Variants in LRFN5 observed in about 807,000 individuals in gnomAD.
The protein encoded by LRFN5 is leucine-rich repeat and fibronectin type-III domain-containing protein 5.
Under a neutral mutation model 45.6 loss-of-function variants are expected in LRFN5, and 24 were observed. That is an observed-to-expected ratio of 0.53 (90% confidence interval 0.38 to 0.74). The LOEUF (loss-of-function observed/expected upper bound fraction) is 0.74. Among genes scored for constraint, LRFN5 ranks in the 30% least tolerant of loss-of-function variants. The pLI is 0.00. For synonymous variants in LRFN5, 340 were observed against 313.8 expected (o/e 1.08, Z -0.88); for missense variants, 776 against 861.5 (o/e 0.90, Z 1.24).
chr14:41,681,816 A>AT (rs1566618887), intron 1 of LRFN5, among the ~76,000 whole-genome samples: 17 of 93,918 alleles, frequency 1.8e-4, no homozygotes, highest in African/African-American at 1.1e-3. Context: ...TTATTTATTT[A>AT]TTTATTTATT....
chr14:41,826,799 G>A (rs1888310511), intron 2 of LRFN5, among the ~76,000 whole-genome samples: 1 of 151,238 alleles, frequency 6.6e-6, no homozygotes, highest in South Asian at 2.1e-4. Context: ...TCTATAATAT[G>A]GGAAAATAAT....
At chr14:41,786,717 T>A (rs908849948) in intron 2 of LRFN5, among the ~76,000 whole-genome samples, 5 of 152,156 alleles carry the variant, frequency 3.3e-5, no homozygotes, top group African/African-American at 1.2e-4. Flanking sequence ...TACGCTTTCA[T>A]TTTTCTAGGA....
intron 1 of LRFN5, among the ~76,000 whole-genome samples, chr14:41,702,165 A>G (rs1882865408): frequency 6.6e-6 from 1 of 152,226 alleles, no homozygotes; most frequent in Non-Finnish European, 1.5e-5. Flanking sequence ...TGCTATTAGC[A>G]TGACTCCATC....
chr14:41,893,063 G>T, intron 4 of LRFN5: 1 of 981,246 alleles, frequency 1.0e-6, no homozygotes. Flanking sequence ...TAAGCAGATA[G>T]TGGATTTTTT....
chr14:41,759,132 A>G (rs1012852123), intron 1 of LRFN5, among the ~76,000 whole-genome samples: 28 of 152,088 alleles, frequency 1.8e-4, no homozygotes, highest in Admixed American at 7.9e-4. Flanking sequence ...CTCTCACATC[A>G]AAACTCTTAG....
intron 2 of LRFN5, among the ~76,000 whole-genome samples, chr14:41,802,529 C>G (rs942132243): frequency 1.3e-5 from 2 of 152,010 alleles, no homozygotes; most frequent in Non-Finnish European, 2.9e-5. Context: ...AAGGTGGAGT[C>G]CTAGTTGAGA....
Position 41,607,323 on chromosome 14 carries a change from G to A in LRFN5, c.-1436G>A, listed in dbSNP as rs1468177625. Among the ~76,000 whole-genome samples, 1 of 152,066 alleles carries A rather than the reference G, an allele frequency of 6.6e-6. No homozygotes were observed. The highest frequency in any genetic ancestry group is 1.9e-4 in the East Asian group (1 of 5,180). On this transcript the variant is annotated 5_prime_UTR_variant, in exon 1 of 6. Coordinates refer to ENST00000298119, the MANE Select transcript of LRFN5 (RefSeq NM_152447.5). ...ATATCAGAAAAAAAAAGCGCAACTG[G>A]ACGGGGGTGGGGCAGACCAACGAAA...
intron 1 of LRFN5, among the ~76,000 whole-genome samples, chr14:41,693,238 A>G (rs2138709285): frequency 6.6e-6 from 1 of 152,264 alleles, no homozygotes; most frequent in Admixed American, 6.5e-5. Flanking sequence ...GCATTTCAAT[A>G]TAACTTATGA....
chr14:41,751,797 G>A (rs552146116), intron 1 of LRFN5, among the ~76,000 whole-genome samples: 1 of 152,180 alleles, frequency 6.6e-6, no homozygotes, highest in African/African-American at 2.4e-5. Context: ...AAGTTTTACG[G>A]TACATATACA....
At chr14:41,774,925 G>A (rs1411443515) in intron 2 of LRFN5, among the ~76,000 whole-genome samples, 1 of 151,942 alleles carries the variant, frequency 6.6e-6, no homozygotes, top group African/African-American at 2.4e-5. Context: ...TTGCAGGGGG[G>A]TAGCTTGATC....
intron 2 of LRFN5, among the ~76,000 whole-genome samples, chr14:41,846,240 C>T (rs1413588044): frequency 6.6e-6 from 1 of 151,870 alleles, no homozygotes; most frequent in Non-Finnish European, 1.5e-5. Flanking sequence ...CACGCACACA[C>T]ACACTTTCCC....
chr14:41,856,769 C>T (rs1337334831), intron 2 of LRFN5, among the ~76,000 whole-genome samples: 8 of 139,060 alleles, frequency 5.8e-5, no homozygotes, highest in Admixed American at 1.5e-4. Context: ...CTCCGCCTTC[C>T]GGGTTCACGC....
At chr14:41,686,456 A>C (rs530440750) in intron 1 of LRFN5, among the ~76,000 whole-genome samples, 76 of 151,828 alleles carry the variant, frequency 5.0e-4, no homozygotes, top group Non-Finnish European at 9.0e-4. Flanking sequence ...AATACCCTTT[A>C]TTTCTTTCTC....
rs755379133 is a variant in LRFN5, at chr14:41,891,590, G to A, written c.1726G>A (p.Ala576Thr). 4.3e-6 allele frequency: 7 copies of A among 1,614,020 alleles called. No individual in the cohort carries two copies. The Admixed American group carries it at 6.7e-5, about 15-fold the overall frequency. ...CAATGTTTATTCCCAAACTAACGGG[G>A]CTCAAATACAAGGCTGTAGTGTAAC... ...VSNVYSQTNG[A>T]QIQGCSVTLP... The change falls in exon 4 of 6, where the codon GCT becomes ACT. Residue 576 changes from alanine to threonine, a missense_variant. Ala to Thr is a moderately conservative substitution (Grantham distance 58). This residue lies in a region of LRFN5 where 465 missense variants were observed against 456.4 expected (regional missense o/e 1.02). Coordinates refer to ENST00000298119, the MANE Select transcript of LRFN5 (RefSeq NM_152447.5).
chr14:41,668,377 T>G (rs1790064375), intron 1 of LRFN5, among the ~76,000 whole-genome samples: 1 of 152,182 alleles, frequency 6.6e-6, no homozygotes, highest in Admixed American at 6.5e-5. Flanking sequence ...ACTTGAAATT[T>G]GCTTTCAATA....
chr14:41,827,364 A>G (rs1259112358), intron 2 of LRFN5, among the ~76,000 whole-genome samples: 1 of 152,110 alleles, frequency 6.6e-6, no homozygotes, highest in Non-Finnish European at 1.5e-5. Context: ...AGTAAATTAT[A>G]GGCAATGCTG....
chr14:41,732,358 G>A (rs1566641898), intron 1 of LRFN5, among the ~76,000 whole-genome samples: 1 of 152,054 alleles, frequency 6.6e-6, no homozygotes, highest in Non-Finnish European at 1.5e-5. Context: ...TGACTTCAAG[G>A]GGATTTAAGA....
chr14:41,725,483 C>T (rs980033700), intron 1 of LRFN5, among the ~76,000 whole-genome samples: 13 of 152,190 alleles, frequency 8.5e-5, no homozygotes, highest in African/African-American at 3.1e-4. Context: ...CTATTGTCCA[C>T]TGCCTGACAG....
chr14:41,899,007 T>C (rs1891026121), intron 5 of LRFN5, 47 bp downstream of exon 5: 1 of 1,413,774 alleles, frequency 7.1e-7, no homozygotes, highest in African/African-American at 1.5e-5. Context: ...TAAATGGGTA[T>C]ACACTTTTTA....
Sources: gnomAD v4.1 joint callset for allele counts (sites outside exome capture counted in the v4.1 genomes callset) on GRCh38, gnomAD v4.1.1 for gene constraint, gnomAD v4.1.1 regional missense constraint, MANE v1.5 for transcripts, NCBI Gene and HGNC (gene_info 2026-07-23, HGNC 2026-07-21) for gene names.